The following TBX5 variants were observed in gnomAD, a reference collection of about 807,000 sequenced individuals.
The protein encoded by TBX5 is T-box transcription factor TBX5.
A neutral mutation model predicts 51.1 loss-of-function variants in TBX5; 8 were observed. The observed-to-expected ratio is 0.16, with a 90% CI of 0.09 to 0.28. The LOEUF is 0.28. Ranked by LOEUF, TBX5 falls within the 10% of genes least tolerant of loss-of-function variation. The pLI is 1.00. For missense variants in TBX5, 589 were observed against 671.7 expected (o/e 0.88, Z 1.36); for synonymous variants, 302 against 266.4 (o/e 1.13, Z -1.30).
chr12:114,382,556 T>C (rs1340572551), intron 7 of TBX5, among the ~76,000 whole-genome samples: 1 of 151,756 alleles, frequency 6.6e-6, no homozygotes, highest in African/African-American at 2.4e-5. Flanking sequence ...CCCAGCACTT[T>C]GGGAGGCCGA....
At chr12:114,374,132 G>A (rs1420862207) in intron 7 of TBX5, among the ~76,000 whole-genome samples, 1 of 152,244 alleles carries the variant, frequency 6.6e-6, no homozygotes, top group East Asian at 1.9e-4. Context: ...GTCACCCAAA[G>A]CAACTATTTC....
chr12:114,382,908 T>A (rs529295649), intron 7 of TBX5, among the ~76,000 whole-genome samples: 1 of 147,102 alleles, frequency 6.8e-6, no homozygotes, highest in Non-Finnish European at 1.5e-5. Context: ...CCTGTGGATG[T>A]CAGGGCTGCA....
intron 7 of TBX5, 38 bp from the exon 8 acceptor site, chr12:114,366,429 C>T (rs1593847634): frequency 6.2e-7 from 1 of 1,601,580 alleles, no homozygotes; most frequent in Non-Finnish European, 8.5e-7. Flanking sequence ...CCTATCAGTG[C>T]CCTGATACAG....
upstream of TBX5, chr12:114,408,386 T>C (rs1872361183): frequency 5.3e-6 from 1 of 190,412 alleles, no homozygotes; most frequent in Admixed American, 6.5e-5. Flanking sequence ...ACCTCAGACC[T>C]CTATTGGAAG....
At chr12:114,398,484 CAG>C in intron 5 of TBX5, 87 bp downstream of exon 5, 2 of 1,539,678 alleles carry the variant, frequency 1.3e-6, no homozygotes, top group South Asian at 2.4e-5. Context: ...TGTAGGCACA[CAG>C]AGCCAAGAAG....
intron 6 of TBX5, among the ~76,000 whole-genome samples, chr12:114,390,507 A>G (rs1380043296): frequency 2.0e-5 from 3 of 152,268 alleles, no homozygotes; most frequent in Non-Finnish European, 4.4e-5. Flanking sequence ...GGTTGTAAAA[A>G]TTAATGAGAA....
At chr12:114,385,348 C>T (rs1870751148) in intron 7 of TBX5, 128 bp downstream of exon 7, 20 of 825,838 alleles carry the variant, frequency 2.4e-5, no homozygotes, top group Non-Finnish European at 4.0e-5. Context: ...TCATTCTCCC[C>T]ATTTCCATGT....
In TBX5 at chr12:114,391,129, C is replaced by T. The variant is rs116598012; in HGVS notation, c.663+3612G>A. Among the ~76,000 whole-genome samples the T allele has an allele frequency of 3.8e-3, 578 of 152,314 alleles. 4 individuals carry two copies. Among genetic ancestry groups the T allele is most frequent in the African/African-American group, 0.013 (533 of 41,570 alleles). On this transcript the variant is annotated intron_variant, in intron 6 of 8. Coordinates refer to ENST00000405440, the MANE Select transcript of TBX5 (RefSeq NM_181486.4). ...GCACTGGGCCCTTTGACCATAAAAACGGTGGCCCTTATTTTTCCAAATTGT... is the reference window on the plus strand; with the variant it reads ...GCACTGGGCCCTTTGACCATAAAAATGGTGGCCCTTATTTTTCCAAATTGT...
chr12:114,372,875 C>T (rs1479342738), intron 7 of TBX5, among the ~76,000 whole-genome samples: 2 of 151,962 alleles, frequency 1.3e-5, no homozygotes, highest in Non-Finnish European at 2.9e-5. Context: ...TCTTCCTTTA[C>T]CCAAGCCTCA....
rs1277586821 is a variant in TBX5 at position 114,398,630 on chromosome 12, C to T, written c.453G>A (p.Gln151=). ...SPATGAHWMR[Q]LVSFQKLKLT... ...GCTTGAGTTTCTGGAAGGAGACGAG[C>T]TGCCTCATCCAATGCGCCCCGGTGG... Residue 151 remains glutamine, a synonymous_variant, in exon 5 of 9, where the codon CAG becomes CAA. Coordinates refer to ENST00000405440, the MANE Select transcript of TBX5 (RefSeq NM_181486.4). 1 of 1,613,672 alleles carries T rather than the reference C, an allele frequency of 6.2e-7. No homozygotes were observed. Among genetic ancestry groups the T allele is most frequent in the Middle Eastern group, 1.6e-4 (1 of 6,062 alleles).
chr12:114,363,725 G>C (rs1565926662), intron 8 of TBX5, among the ~76,000 whole-genome samples: 2 of 152,182 alleles, frequency 1.3e-5, no homozygotes, highest in Non-Finnish European at 2.9e-5. Flanking sequence ...TTTTTGTTTG[G>C]AACCTTTCTG....
intron 6 of TBX5, among the ~76,000 whole-genome samples, chr12:114,392,346 A>G (rs1156547795): frequency 2.0e-5 from 3 of 152,200 alleles, no homozygotes; most frequent in African/African-American, 7.2e-5. Flanking sequence ...TCACAGGTAT[A>G]CATATATATA....
chr12:114,378,627 T>TTTTC, intron 7 of TBX5, among the ~76,000 whole-genome samples: 1 of 151,554 alleles, frequency 6.6e-6, no homozygotes, highest in East Asian at 2.1e-4. Flanking sequence ...TTCTGTTTTG[T>TTTTC]TTTGTTTGTT....
chr12:114,365,687 C>T (rs1045290341), intron 8 of TBX5, among the ~76,000 whole-genome samples: 3 of 151,876 alleles, frequency 2.0e-5, no homozygotes, highest in South Asian at 4.2e-4. Context: ...AAATTTAGTA[C>T]AGTGTGTGAA....
At chr12:114,372,735 A>T (rs1368707686) in intron 7 of TBX5, among the ~76,000 whole-genome samples, 1 of 152,090 alleles carries the variant, frequency 6.6e-6, no homozygotes, top group East Asian at 1.9e-4. Context: ...CTTGGGTCCC[A>T]CTTGTTAAAT....
At chr12:114,408,022 C>G, upstream of TBX5, 3 of 985,450 alleles carry the variant, frequency 3.0e-6, no homozygotes, top group Non-Finnish European at 3.6e-6. Context: ...TGTTTATTAC[C>G]AGGCATACCC....
intron 8 of TBX5, among the ~76,000 whole-genome samples, chr12:114,359,579 A>T (rs2136364697): frequency 6.6e-6 from 1 of 152,346 alleles, no homozygotes; most frequent in East Asian, 1.9e-4. Flanking sequence ...TCTCTTAGGT[A>T]ACAGTAAATT....
At position 114,404,098 on chromosome 12, in the gene TBX5, AG is replaced by A. The variant is rs1872033960; in HGVS notation, c.-38-163del. 8 of 672,932 alleles carry A rather than the reference AG, an allele frequency of 1.2e-5. No homozygotes were observed. The Admixed American group carries it at 1.6e-4, about 13-fold the overall frequency. The allele number at this position is 672,932 out of a possible 1,614,324, so 41.7% of individuals were successfully genotyped here. On this transcript the variant is annotated intron_variant, in intron 1 of 8. Transcript: ENST00000405440. ...GCCGAAGGTGACTGCAGAAGGCCCT[AG>A]AATTATTACTGTTACTAGTATTCCT...
chr12:114,394,029 G>A (rs1171310202), intron 6 of TBX5, among the ~76,000 whole-genome samples: 6 of 152,220 alleles, frequency 3.9e-5, no homozygotes, highest in Admixed American at 6.5e-5. Flanking sequence ...TGGCAAAATT[G>A]GGTGCAGTGG....
Sources: allele counts gnomAD v4.1 joint callset (sites outside exome capture counted in the v4.1 genomes callset), GRCh38; gene constraint gnomAD v4.1.1; transcripts MANE v1.5; gene names NCBI Gene and HGNC (gene_info 2026-07-23, HGNC 2026-07-21).